Variants in AGXT2 observed in about 807,000 individuals in gnomAD.
AGXT2 encodes alanine--glyoxylate aminotransferase 2.
Under a neutral mutation model 62.5 loss-of-function variants are expected in AGXT2, and 61 were observed. The observed-to-expected ratio is 0.98, with a 90% CI of 0.79 to 1.21. AGXT2 has a LOEUF of 1.21. Ranked by LOEUF, AGXT2 falls within the 50% of genes most tolerant of loss-of-function variation. AGXT2 has a pLI of 0.00. For synonymous variants in AGXT2, 243 were observed against 218.7 expected (o/e 1.11, Z -0.98); for missense variants, 666 against 641.5 (o/e 1.04, Z -0.41).
intron 4 of AGXT2, among the ~76,000 whole-genome samples, chr5:35,035,918 GA>G (rs749849181): frequency 6.6e-6 from 1 of 152,110 alleles, no homozygotes; most frequent in East Asian, 1.9e-4. Flanking sequence ...CTCTACTAAA[GA>G]TACAAAAATT....
chr5:35,015,093 G>A (rs344164), intron 9 of AGXT2, among the ~76,000 whole-genome samples: 69,372 of 151,970 alleles, frequency 0.46, 16,210 homozygotes, highest in African/African-American at 0.54. Flanking sequence ...TTGTCTCACC[G>A]ACTTCTTCTG....
Position 34,998,589 on chromosome 5 carries a change from G to T in AGXT2, c.*130C>A. ...ATATGGTTGGTAGGCAGTCAACCAT[G>T]ACTTTTACAGCTCCTGTGGAGAGCT... On this transcript the variant is annotated 3_prime_UTR_variant, in exon 14 of 14. Transcript: ENST00000231420. 1.4e-6 allele frequency: 1 copy of T among 739,936 alleles called. No homozygotes were observed. Among genetic ancestry groups the T allele is most frequent in the South Asian group, 1.6e-5 (1 of 63,278 alleles). 45.8% of individuals were successfully genotyped at this position (739,936 alleles called of 1,614,324 possible). A position where few individuals can be genotyped will look rare whatever the true frequency, so the allele number is the denominator to read the frequency against.
intron 9 of AGXT2, among the ~76,000 whole-genome samples, chr5:35,017,025 T>G (rs1766868974): frequency 6.6e-6 from 1 of 152,204 alleles, no homozygotes; most frequent in Non-Finnish European, 1.5e-5. Flanking sequence ...TTTTCTAACT[T>G]TAATCCAGAT....
Position 35,026,403 on chromosome 5 carries a change from T to C in AGXT2, c.870+7A>G. ...GCTCCATTAATGTCTAAGGTTCATA[T>C]ACCCACTTGAATAGGTTCTGCGAAA... On this transcript the variant is annotated splice_region_variant and intron_variant, in intron 8 of 13. Transcript: ENST00000231420. 1 of 1,611,168 alleles carries C rather than the reference T, an allele frequency of 6.2e-7. No homozygotes were observed. The highest frequency in any genetic ancestry group is 1.1e-5 in the South Asian group (1 of 91,022).
Position 35,014,051 on chromosome 5 carries a change from G to A in AGXT2, c.1032C>T (p.Asp344=). ...WGFQTHDVLP[D]IVTMAKGIGN... ...CAATCCCTTTAGCCATGGTGACAAT[G>A]TCAGGCAGGACATCGTGGGTTTGGA... Residue 344 remains aspartate, a synonymous_variant, in exon 10 of 14, where the codon GAC becomes GAT. Coordinates refer to ENST00000231420, the MANE Select transcript of AGXT2 (RefSeq NM_031900.4). The A allele has an allele frequency of 6.2e-7, 1 of 1,614,156 alleles. No homozygotes were observed. The highest frequency in any genetic ancestry group is 8.5e-7 in the Non-Finnish European group (1 of 1,180,018).
chr5:35,035,216 G>T lies in AGXT2; in HGVS notation c.581+6C>A. The T allele has an allele frequency of 6.2e-7, 1 of 1,612,888 alleles. No individual in the cohort carries two copies. The highest frequency in any genetic ancestry group is 1.1e-5 in the South Asian group (1 of 91,034). ...CCTAAAGTTGAATATTCCAAGTTGT[G>T]ATTACCTGAAAGAAATGATGTCTAT... On this transcript the variant is annotated splice_donor_region_variant and intron_variant, in intron 5 of 13. Coordinates refer to ENST00000231420, the MANE Select transcript of AGXT2 (RefSeq NM_031900.4).
chr5:35,019,503 A>T (rs1356350614), intron 9 of AGXT2, among the ~76,000 whole-genome samples: 2 of 152,140 alleles, frequency 1.3e-5, no homozygotes, highest in Non-Finnish European at 2.9e-5. Flanking sequence ...GAAGGCAGAA[A>T]TAAAGATGTT....
In AGXT2 at chr5:35,010,034, C is replaced by A. The variant is rs1211822853; in HGVS notation, c.1304G>T (p.Gly435Val). 1.9e-6 allele frequency: 3 copies of A among 1,614,014 alleles called. No homozygotes were observed. Among genetic ancestry groups the A allele is most frequent in the Non-Finnish European group, 1.7e-6 (2 of 1,179,854 alleles). Reference protein sequence around the residue: ...FEIVGDVRGKGLMIGIEMVQD... With the variant: ...FEIVGDVRGKVLMIGIEMVQD... ...CACCATTTCTATGCCTATCATGAGA[C>A]CTTTGCCTCGGACGTCTCCAACAAT... Residue 435 changes from glycine (G) to valine (V), a missense_variant, in exon 12 of 14, where the codon GGT becomes GTT. Gly to Val is a moderately radical substitution (Grantham distance 109, BLOSUM62 -3). Transcript: ENST00000231420.
intron 11 of AGXT2, 197 bp downstream of exon 11, chr5:35,012,757 A>G: frequency 1.6e-6 from 1 of 614,598 alleles, no homozygotes; most frequent in South Asian, 1.9e-5. Context: ...TTTCTTATCC[A>G]ATACTTTCAG....
At chr5:35,047,449 GA>G (rs1392072456) in intron 1 of AGXT2, among the ~76,000 whole-genome samples, 2 of 151,904 alleles carry the variant, frequency 1.3e-5, no homozygotes, top group Admixed American at 6.6e-5. Flanking sequence ...TCTCAAAAAA[GA>G]AAAAATAGAA....
intron 1 of AGXT2, among the ~76,000 whole-genome samples, chr5:35,044,672 C>T (rs990674265): frequency 1.3e-5 from 2 of 152,190 alleles, no homozygotes; most frequent in Admixed American, 1.3e-4. Context: ...TCCTTCATAA[C>T]CTTCCAGTAT....
Position 35,028,098 on chromosome 5 carries a change from G to A in AGXT2, c.770-1588C>T, listed in dbSNP as rs991773276. ...TCATCTCTTCCCTGCACTCCACAGAGCCATCAACATGGAAGCTCAAGGTTA... is the reference window on the plus strand; with the variant it reads ...TCATCTCTTCCCTGCACTCCACAGAACCATCAACATGGAAGCTCAAGGTTA... On this transcript the variant is annotated intron_variant, in intron 7 of 13. Transcript: ENST00000231420. 1.2e-4 allele frequency among the ~76,000 whole-genome samples: 18 copies of A among 152,062 alleles called. No individual in the cohort carries two copies. The East Asian group carries it at 3.3e-3, about 28-fold the overall frequency.
chr5:35,022,374 C>G (rs1299105562), intron 9 of AGXT2, among the ~76,000 whole-genome samples: 1 of 151,916 alleles, frequency 6.6e-6, no homozygotes, highest in East Asian at 1.9e-4. Context: ...ACATATACAC[C>G]ATGGAATACT....
In AGXT2 at chr5:35,025,746, C is replaced by A; in HGVS notation, c.963+17G>T. On this transcript the variant is annotated intron_variant, in intron 9 of 13. Transcript: ENST00000231420. The stretch of plus-strand genomic sequence containing the variant: ...CTGTTCCCACTGCACTCAATGGCAC[C>A]CTTACATGCCACTTACTTCATCTGC... The A allele has an allele frequency of 6.2e-7, 1 of 1,612,800 alleles. No individual in the cohort carries two copies. Among genetic ancestry groups the A allele is most frequent in the Non-Finnish European group, 8.5e-7 (1 of 1,178,866 alleles).
In AGXT2 at chr5:35,030,313, G is replaced by A. The variant is rs1051632725; in HGVS notation, c.769+2419C>T. Among the ~76,000 whole-genome samples, 6 of 152,300 alleles carry A rather than the reference G, an allele frequency of 3.9e-5. No individual in the cohort carries two copies. The East Asian group carries it at 1.2e-3, about 29-fold the overall frequency. On this transcript the variant is annotated intron_variant, in intron 7 of 13. Coordinates refer to ENST00000231420, the MANE Select transcript of AGXT2 (RefSeq NM_031900.4). The stretch of plus-strand genomic sequence containing the variant: ...ACCTGAAGTCAGGAGTTCGAGACCA[G>A]CCTGGCCAACATGGTGAAACCCGGT...
intron 1 of AGXT2, among the ~76,000 whole-genome samples, chr5:35,042,643 C>T (rs2112294832): frequency 6.6e-6 from 1 of 151,448 alleles, no homozygotes; most frequent in African/African-American, 2.4e-5. Flanking sequence ...TCAAAATAGC[C>T]TGTGTTTTGA....
intron 5 of AGXT2, among the ~76,000 whole-genome samples, 191 bp from the exon 6 acceptor site, chr5:35,033,744 C>T (rs143507643): frequency 6.6e-6 from 1 of 152,096 alleles, no homozygotes; most frequent in Non-Finnish European, 1.5e-5. Flanking sequence ...TGTTAGAAAA[C>T]AGATTTGAAA....
At chr5:35,046,105 CT>C in intron 1 of AGXT2, among the ~76,000 whole-genome samples, 1 of 152,056 alleles carries the variant, frequency 6.6e-6, no homozygotes, top group Non-Finnish European at 1.5e-5. Flanking sequence ...CTGTAGTGTC[CT>C]TGCTGGGCCT....
intron 11 of AGXT2, among the ~76,000 whole-genome samples, chr5:35,012,124 G>A (rs1766666522): frequency 1.3e-5 from 2 of 151,840 alleles, no homozygotes; most frequent in South Asian, 4.2e-4. Flanking sequence ...TTACATATTG[G>A]GTACAATGTA....
Sources: allele counts gnomAD v4.1 joint callset (sites outside exome capture counted in the v4.1 genomes callset), GRCh38; gene constraint gnomAD v4.1.1; transcripts MANE v1.5; gene names NCBI Gene and HGNC (gene_info 2026-07-23, HGNC 2026-07-21).